FAM186A: variants seen among roughly 807,000 people sequenced by gnomAD.
The protein encoded by FAM186A is family with sequence similarity 186 member A.
In FAM186A, 163 loss-of-function variants were observed where a neutral mutation model predicts 216.8. The observed-to-expected ratio is 0.75, with a 90% CI of 0.66 to 0.86. The LOEUF is 0.86. FAM186A is among the 40% of genes least tolerant of loss of function. FAM186A has a pLI of 0.00. For synonymous variants in FAM186A, 805 were observed against 1,025.3 expected (o/e 0.79, Z 4.10); for missense variants, 2,184 against 2,746.2 (o/e 0.80, Z 4.58).
rs1436437712 is a variant in FAM186A at position 50,378,532 on chromosome 12, A to AAT, written c.193-15170_193-15169dup. Reference sequence around the variant, plus strand: ...GAGACAGAGTGAGACTCCATCTCAAAATATATATATACATATATGTAAATT... The same window carrying AAT: ...GAGACAGAGTGAGACTCCATCTCAAAATATATATATATACATATATGTAAATT... On this transcript the variant is annotated intron_variant, in intron 1 of 7. Coordinates refer to ENST00000327337, the MANE Select transcript of FAM186A (RefSeq NM_001145475.3). Among the ~76,000 whole-genome samples the AAT allele has an allele frequency of 5.1e-5, 7 of 136,346 alleles. No homozygotes were observed. The South Asian group carries it at 7.3e-4, about 14-fold the overall frequency. 89.4% of individuals were successfully genotyped at this position (136,346 alleles called of 152,430 possible).
At chr12:50,336,940 G>T (rs1359188229) in intron 4 of FAM186A, among the ~76,000 whole-genome samples, 4 of 151,566 alleles carry the variant, frequency 2.6e-5, no homozygotes, top group African/African-American at 4.8e-5. Flanking sequence ...ATTTACCTGA[G>T]ATTTTATTTA....
At chr12:50,380,447 TG>T (rs2136104855) in intron 1 of FAM186A, among the ~76,000 whole-genome samples, 1 of 144,360 alleles carries the variant, frequency 6.9e-6, no homozygotes, top group East Asian at 2.0e-4. Flanking sequence ...AGACTGAGGC[TG>T]GTGGATCACC....
intron 1 of FAM186A, among the ~76,000 whole-genome samples, chr12:50,381,154 C>G (rs1052883527): frequency 6.6e-6 from 1 of 152,200 alleles, no homozygotes; most frequent in African/African-American, 2.4e-5. Context: ...GGTCTGGGCT[C>G]CCCGAAGGGC....
At chr12:50,378,881 A>G (rs1234091316) in intron 1 of FAM186A, among the ~76,000 whole-genome samples, 1 of 152,156 alleles carries the variant, frequency 6.6e-6, no homozygotes, top group African/African-American at 2.4e-5. Flanking sequence ...AACCATATGA[A>G]AATGTCTATG....
intron 2 of FAM186A, among the ~76,000 whole-genome samples, chr12:50,362,036 G>A (rs1261064690): frequency 1.3e-5 from 2 of 151,718 alleles, no homozygotes; most frequent in East Asian, 3.9e-4. Context: ...GCAGTGGCAC[G>A]ACCTTGGCTC....
At chr12:50,358,273 A>T (rs920618456) in intron 3 of FAM186A, among the ~76,000 whole-genome samples, 1 of 152,124 alleles carries the variant, frequency 6.6e-6, no homozygotes, top group Non-Finnish European at 1.5e-5. Flanking sequence ...TTTGCAAATC[A>T]CTTTTCTGAT....
chr12:50,361,133 A>T lies in FAM186A; in HGVS notation c.413-207T>A, dbSNP rs137947689. On this transcript the variant is annotated intron_variant, in intron 2 of 7. Transcript: ENST00000327337. ...GAAGGCTAAATAGTAAGTCTTAGAC[A>T]TAAAGACATGAATCAGATTAAAAAG... Among the ~76,000 whole-genome samples, 52 of 152,364 alleles carry T rather than the reference A, an allele frequency of 3.4e-4. No individual in the cohort carries two copies. The East Asian group carries it at 9.4e-3, about 28-fold the overall frequency.
At chr12:50,382,083 C>A (rs1003957913) in intron 1 of FAM186A, among the ~76,000 whole-genome samples, 6 of 152,056 alleles carry the variant, frequency 3.9e-5, no homozygotes, top group African/African-American at 1.4e-4. Flanking sequence ...TTTAGGATTT[C>A]TCTGCTCTGC....
intron 3 of FAM186A, among the ~76,000 whole-genome samples, chr12:50,358,487 G>A (rs1592615385): frequency 6.6e-6 from 1 of 152,068 alleles, no homozygotes; most frequent in African/African-American, 2.4e-5. Context: ...GGAGACTGAG[G>A]CAGGAGGATC....
intron 1 of FAM186A, among the ~76,000 whole-genome samples, chr12:50,388,473 G>C (rs1164316133): frequency 6.6e-6 from 1 of 151,918 alleles, no homozygotes; most frequent in Non-Finnish European, 1.5e-5. Context: ...ACAAAATTCA[G>C]CCAGGTGTGG....
chr12:50,346,618 C>G (rs575679651), intron 4 of FAM186A, among the ~76,000 whole-genome samples: 1 of 152,118 alleles, frequency 6.6e-6, no homozygotes, highest in Non-Finnish European at 1.5e-5. Context: ...GAGGCCGAAG[C>G]GGGTGGATCA....
At position 50,377,925 on chromosome 12, in the gene FAM186A, T is replaced by G. The variant is rs185166647; in HGVS notation, c.193-14561A>C. Among the ~76,000 whole-genome samples the G allele has an allele frequency of 4.2e-3, 635 of 151,252 alleles. 4 individuals carry two copies. Among genetic ancestry groups the G allele is most frequent in the African/African-American group, 0.014 (566 of 41,226 alleles). On this transcript the variant is annotated intron_variant, in intron 1 of 7. Transcript: ENST00000327337. ...GACTTCTGCAATATGAAAGATACTGTTAAGAAAATGAAAAGTCGGCGAGGC... is the reference window on the plus strand; with the variant it reads ...GACTTCTGCAATATGAAAGATACTGGTAAGAAAATGAAAAGTCGGCGAGGC...
At position 50,330,581 on chromosome 12, in the gene FAM186A, G is replaced by A. The variant is rs758991872; in HGVS notation, c.7026C>T (p.Leu2342=). 1.1e-4 allele frequency: 166 copies of A among 1,550,520 alleles called. No individual in the cohort carries two copies. Among genetic ancestry groups the A allele is most frequent in the Non-Finnish European group, 1.3e-4 (152 of 1,146,596 alleles). The change falls in exon 7 of 8, where the codon CTC becomes CTT. Residue 2342 remains leucine (L), a synonymous_variant. Coordinates refer to ENST00000327337, the MANE Select transcript of FAM186A (RefSeq NM_001145475.3). ...TCCAGTCCATAACTTACCGTGATTGGAGGGATGCAAGAGATTTTCGGAAGG... is the reference window on the plus strand; with the variant it reads ...TCCAGTCCATAACTTACCGTGATTGAAGGGATGCAAGAGATTTTCGGAAGG... ...QSTFRKSLAS[L]QSRVKKIPK
intron 1 of FAM186A, among the ~76,000 whole-genome samples, chr12:50,384,312 A>G (rs1592634006): frequency 6.6e-6 from 1 of 152,020 alleles, no homozygotes; most frequent in East Asian, 1.9e-4. Flanking sequence ...GTAGTCCTAG[A>G]TGGTCGGCAA....
intron 1 of FAM186A, among the ~76,000 whole-genome samples, chr12:50,387,449 G>T (rs1311816951): frequency 6.6e-6 from 1 of 152,128 alleles, no homozygotes; most frequent in African/African-American, 2.4e-5. Context: ...AGGAGTGGAG[G>T]TTTAATAGGC....
At position 50,355,259 on chromosome 12, in the gene FAM186A, G is replaced by T; in HGVS notation, c.1573C>A (p.Leu525Ile). The T allele has an allele frequency of 6.4e-7, 1 of 1,551,642 alleles. No homozygotes were observed. The highest frequency in any genetic ancestry group is 1.2e-5 in the South Asian group (1 of 84,046). ...KSPTEAKRKH[L>I]SLTETKSQGG... ...TGGCTCTTTGTTTCAGTTAAAGAGA[G>T]ATGTTTTCTTTTTGCTTCAGTGGGT... The change falls in exon 4 of 8, where the codon CTC (leucine) becomes ATC (isoleucine). Residue 525 changes from leucine (L) to isoleucine (I), a missense_variant. Physicochemically the swap from Leu to Ile is conservative, Grantham distance 5. Coordinates refer to ENST00000327337, the MANE Select transcript of FAM186A (RefSeq NM_001145475.3).
intron 4 of FAM186A, among the ~76,000 whole-genome samples, chr12:50,335,383 C>A (rs542704367): frequency 2.0e-5 from 3 of 151,822 alleles, no homozygotes; most frequent in Non-Finnish European, 4.4e-5. Context: ...CAGTGTCTCA[C>A]GCCTGTAATC....
rs1034932089 is a variant in FAM186A at position 50,352,369 on chromosome 12, G to A, written c.4463C>T (p.Ala1488Val). Residue 1488 changes from alanine to valine, a missense_variant, in exon 4 of 8, where the codon GCT (alanine) becomes GTT (valine). By Grantham distance (64) the Ala-to-Val change is moderately conservative (BLOSUM62 0). Around this residue, in one of 7 missense-constraint regions of FAM186A, gnomAD observed 3 missense variants for 62.0 expected, o/e 0.05. Coordinates refer to ENST00000327337, the MANE Select transcript of FAM186A (RefSeq NM_001145475.3). ...GGTGAGAGGGATCCCCAATTCCTGA[G>A]CCTGCGGAGGGATGAGAGGGATCCC... ...ALGIPLIPPQ[A>V]QELGIPLTPQ... 4.5e-6 allele frequency: 7 copies of A among 1,541,688 alleles called. No homozygotes were observed. In the African/African-American group the frequency reaches 8.6e-5, roughly 19 times the overall value.
chr12:50,358,994 T>G (rs989498885), intron 3 of FAM186A, among the ~76,000 whole-genome samples: 40 of 150,850 alleles, frequency 2.7e-4, no homozygotes, highest in African/African-American at 7.5e-4. Context: ...CACCAAAAAA[T>G]GTATGGAAAT....
Sources: allele counts gnomAD v4.1 joint callset (sites outside exome capture counted in the v4.1 genomes callset), GRCh38; gene constraint gnomAD v4.1.1; regional missense constraint gnomAD v4.1.1; transcripts MANE v1.5; gene names NCBI Gene and HGNC (gene_info 2026-07-23, HGNC 2026-07-21).